CUL9: variants seen among roughly 807,000 people sequenced by gnomAD.
CUL9 encodes cullin-9.
CUL9 carries 79 observed loss-of-function variants against 272.6 expected under a neutral mutation model. The ratio of observed to expected loss-of-function variants is 0.29; its 90% CI spans 0.24 to 0.35. The LOEUF is 0.35. Ranked by LOEUF, CUL9 falls within the 10% of genes least tolerant of loss-of-function variation. The pLI is 1.00. For synonymous variants in CUL9, 1,186 were observed against 1,286.5 expected, an observed-to-expected ratio of 0.92 and a Z score of 1.67; for missense variants, 2,532 against 3,255.6, an observed-to-expected ratio of 0.78 and a Z score of 5.41.
chr6:43,213,971 G>A lies in CUL9; in HGVS notation c.5688+59G>A. The stretch of plus-strand genomic sequence containing the variant: ...GGAGGGAGTCATGCTTGGGATTGGG[G>A]ATGAACACAGTGAACTCTTTCAATA... On this transcript the variant is annotated intron_variant, in intron 29 of 40. Transcript: ENST00000252050. The surrounding 1 kb of genome is among the most constrained non-coding windows in gnomAD (Gnocchi z 5.7). 5.2e-6 allele frequency: 8 copies of A among 1,544,612 alleles called. No individual in the cohort carries two copies. Among genetic ancestry groups the A allele is most frequent in the Non-Finnish European group, 7.2e-6 (8 of 1,118,554 alleles).
chr6:43,182,416 T>G (rs1386380341), intron 1 of CUL9, among the ~76,000 whole-genome samples, 167 bp downstream of exon 1: 1 of 100,898 alleles, frequency 9.9e-6, no homozygotes, highest in Non-Finnish European at 2.0e-5. Flanking sequence ...TCCTTCCCCC[T>G]CCCCCCAAAC....
At position 43,224,146 on chromosome 6, in the gene CUL9, G is replaced by C. The variant is rs1187261413; in HGVS notation, c.7336G>C (p.Gly2446Arg). The change falls in exon 40 of 41, where the codon GGA (glycine) becomes CGA (arginine). Residue 2446 changes from glycine to arginine, a missense_variant. By Grantham distance (125) the Gly-to-Arg change is moderately radical. Transcript: ENST00000252050. This position sits in a 1 kb window ranked among gnomAD's most constrained non-coding sequence, Gnocchi z 4.2. ...SPSVEAWEAK[G>R]PNMPGSQPQA... Reference sequence around the variant, plus strand: ...ATCAGTAGAGGCCTGGGAGGCAAAAGGACCCAACATGCCTGGCAGTCAGTA... The same window carrying C: ...ATCAGTAGAGGCCTGGGAGGCAAAACGACCCAACATGCCTGGCAGTCAGTA... The C allele has an allele frequency of 6.2e-7, 1 of 1,614,240 alleles. No individual in the cohort carries two copies. The highest frequency in any genetic ancestry group is 2.2e-5 in the East Asian group (1 of 44,884).
chr6:43,197,009 C>A, intron 11 of CUL9, 147 bp downstream of exon 11: 1 of 665,082 alleles, frequency 1.5e-6, no homozygotes, highest in Non-Finnish European at 2.5e-6. Context: ...AACTTCCCGA[C>A]CAAGAAGAGG....
intron 1 of CUL9, among the ~76,000 whole-genome samples, chr6:43,182,472 G>C (rs1772480766): frequency 7.0e-6 from 1 of 142,284 alleles, no homozygotes; most frequent in Admixed American, 7.7e-5. Flanking sequence ...CCACGGCTCT[G>C]CAAGCTTGGG....
At position 43,220,821 on chromosome 6, in the gene CUL9, C is replaced by T. The variant is rs554241306; in HGVS notation, c.6498C>T (p.Cys2166=). Residue 2166 remains cysteine (C), a synonymous_variant, in exon 33 of 41, where the codon TGC becomes TGT. Transcript: ENST00000252050. This position sits in a 1 kb window ranked among gnomAD's most constrained non-coding sequence, Gnocchi z 4.9. The part of the protein sequence containing the change: ...NLTWCTNPQG[C]DRILCRQGLG... ...CCTGGTGCACCAACCCCCAGGGCTGCGACCGCATCCTGTGCCGCCAGGGCC... is the reference window on the plus strand; with the variant it reads ...CCTGGTGCACCAACCCCCAGGGCTGTGACCGCATCCTGTGCCGCCAGGGCC... The T allele has an allele frequency of 6.1e-5, 98 of 1,613,590 alleles. No individual in the cohort carries two copies. Among genetic ancestry groups the T allele is most frequent in the Non-Finnish European group, 7.5e-5 (88 of 1,179,998 alleles).
At position 43,218,334 on chromosome 6, in the gene CUL9, A is replaced by G. The variant is rs755420175; in HGVS notation, c.6282+1831A>G. Among the ~76,000 whole-genome samples the G allele has an allele frequency of 5.3e-5, 8 of 151,964 alleles. No individual in the cohort carries two copies. The highest frequency in any genetic ancestry group is 8.8e-5 in the Non-Finnish European group (6 of 67,986). ...CGGGTTCAAGCGATTCTTCTGCCTCAGCCTCCCGAGTAGCTGGGACTATAG... is the reference window on the plus strand; with the variant it reads ...CGGGTTCAAGCGATTCTTCTGCCTCGGCCTCCCGAGTAGCTGGGACTATAG... On this transcript the variant is annotated intron_variant, in intron 31 of 40. Transcript: ENST00000252050. The surrounding 1 kb of genome is among the most constrained non-coding windows in gnomAD (Gnocchi z 4.4).
rs1160532784 is a variant in CUL9, at chr6:43,200,939, C to A, written c.3647+105C>A. On this transcript the variant is annotated intron_variant, in intron 16 of 40. Transcript: ENST00000252050. This position sits in a 1 kb window ranked among gnomAD's most constrained non-coding sequence, Gnocchi z 4.0. ...ATAACCCCAATGCCTGAGGGACACA[C>A]TCAAACCTATTTTGTGCAGTGAACA... 1.4e-6 allele frequency: 2 copies of A among 1,426,476 alleles called. No homozygotes were observed. The highest frequency in any genetic ancestry group is 1.9e-6 in the Non-Finnish European group (2 of 1,027,934). 88.4% of individuals were successfully genotyped at this position (1,426,476 alleles called of 1,614,324 possible).
Position 43,188,679 on chromosome 6 carries a change from G to A in CUL9, c.2144G>A (p.Arg715Gln), listed in dbSNP as rs533796632. Reference sequence around the variant, plus strand: ...CAGGCTGTGGAGGAGGTCACTGAGCGGGACCACCCTCTGGTCCGTCCTGAC... The same window carrying A: ...CAGGCTGTGGAGGAGGTCACTGAGCAGGACCACCCTCTGGTCCGTCCTGAC... ...LSQAVEEVTE[R>Q]DHPLVRPDRS... The change falls in exon 8 of 41, where the codon CGG becomes CAG. Residue 715 changes from arginine to glutamine, a missense_variant. Around this residue, in one of 3 missense-constraint regions of CUL9, gnomAD observed 2,218 missense variants for 2,788.6 expected, o/e 0.80. Transcript: ENST00000252050. The A allele has an allele frequency of 3.8e-5, 61 of 1,613,888 alleles. No homozygotes were observed. The East Asian group carries it at 1.2e-3, about 31-fold the overall frequency.
chr6:43,183,906 C>T (rs1772679595), intron 1 of CUL9, among the ~76,000 whole-genome samples: 1 of 152,260 alleles, frequency 6.6e-6, no homozygotes. Flanking sequence ...GCATGTGCCA[C>T]CACACCTGGC....
At position 43,203,249 on chromosome 6, in the gene CUL9, C is replaced by A; in HGVS notation, c.3849+45C>A. Reference sequence around the variant, plus strand: ...CAGGGCTGAGGAGGAGGAGGTGGCACACAAGTTTCTCCTTGATCTGCTTGG... The same window carrying A: ...CAGGGCTGAGGAGGAGGAGGTGGCAAACAAGTTTCTCCTTGATCTGCTTGG... On this transcript the variant is annotated intron_variant, in intron 18 of 40. Transcript: ENST00000252050. This position sits in a 1 kb window ranked among gnomAD's most constrained non-coding sequence, Gnocchi z 5.0. The A allele has an allele frequency of 6.2e-7, 1 of 1,609,258 alleles. No homozygotes were observed. Among genetic ancestry groups the A allele is most frequent in the Non-Finnish European group, 8.5e-7 (1 of 1,175,742 alleles).
rs746069182 is a variant in CUL9, at chr6:43,223,423, G to C, written c.7284+26G>C. Reference sequence around the variant, plus strand: ...GTACTGCCCGGCCCAGACCCCTTCTGCTCCTGCATTCTGCGGGAGTTGAGG... The same window carrying C: ...GTACTGCCCGGCCCAGACCCCTTCTCCTCCTGCATTCTGCGGGAGTTGAGG... On this transcript the variant is annotated intron_variant, in intron 39 of 40. Transcript: ENST00000252050. The surrounding 1 kb of genome is among the most constrained non-coding windows in gnomAD (Gnocchi z 4.1). 4.5e-6 allele frequency: 7 copies of C among 1,568,684 alleles called. No individual in the cohort carries two copies. Among genetic ancestry groups the C allele is most frequent in the Non-Finnish European group, 6.1e-6 (7 of 1,153,092 alleles).
At chr6:43,190,123 A>G (rs1773318315) in intron 8 of CUL9, among the ~76,000 whole-genome samples, 1 of 151,726 alleles carries the variant, frequency 6.6e-6, no homozygotes, top group Non-Finnish European at 1.5e-5. Context: ...CAGTGTGGTT[A>G]TCTCCAGTTT....
At position 43,213,491 on chromosome 6, in the gene CUL9, G is replaced by A; in HGVS notation, c.5412G>A (p.Leu1804=). Residue 1804 remains leucine, a synonymous_variant, in exon 28 of 41, where the codon CTG becomes CTA. Transcript: ENST00000252050. This position sits in a 1 kb window ranked among gnomAD's most constrained non-coding sequence, Gnocchi z 5.7. ...ATTCTGACCTCTCCCCAGAGCTGCT[G>A]CTCCAGGCACTCGTGCCCCTCACCT... is the stretch of plus-strand genomic sequence containing the variant. ...LKDSDLSPEL[L]LQALVPLTSG... 2 of 1,614,072 alleles carry A rather than the reference G, an allele frequency of 1.2e-6. No individual in the cohort carries two copies. Among genetic ancestry groups the A allele is most frequent in the South Asian group, 1.1e-5 (1 of 91,076 alleles).
rs746627058 is a variant in CUL9 at position 43,198,595 on chromosome 6, G to A, written c.2804-14G>A. Reference sequence around the variant, plus strand: ...CTTCATCCACATTTTTCCCTCTGGTGTGTCTGGCTGCAGCACTAGAGACCC... The same window carrying A: ...CTTCATCCACATTTTTCCCTCTGGTATGTCTGGCTGCAGCACTAGAGACCC... On this transcript the variant is annotated splice_polypyrimidine_tract_variant and intron_variant, in intron 11 of 40. Coordinates refer to ENST00000252050, the MANE Select transcript of CUL9 (RefSeq NM_015089.4). The A allele has an allele frequency of 6.2e-7, 1 of 1,613,274 alleles. No homozygotes were observed. The highest frequency in any genetic ancestry group is 8.5e-7 in the Non-Finnish European group (1 of 1,179,370).
chr6:43,190,115 G>A (rs942711206), intron 8 of CUL9, among the ~76,000 whole-genome samples: 3 of 152,070 alleles, frequency 2.0e-5, no homozygotes, highest in African/African-American at 7.2e-5. Flanking sequence ...GGACCCTGCA[G>A]TGTGGTTATC....
intron 9 of CUL9, among the ~76,000 whole-genome samples, chr6:43,193,693 C>G (rs1423462718): frequency 6.6e-6 from 1 of 152,062 alleles, no homozygotes; most frequent in Non-Finnish European, 1.5e-5. Context: ...CATGAGCCAC[C>G]GTGCCCAGCC....
At chr6:43,202,495 T>C (rs1774684560) in intron 16 of CUL9, among the ~76,000 whole-genome samples, 1 of 152,202 alleles carries the variant, frequency 6.6e-6, no homozygotes, top group Admixed American at 6.5e-5. Context: ...AAAGAAGTGG[T>C]GGCTTGAAAT....
intron 31 of CUL9, among the ~76,000 whole-genome samples, chr6:43,219,915 G>A (rs1449677752): frequency 1.3e-5 from 2 of 152,146 alleles, no homozygotes; most frequent in African/African-American, 4.8e-5. Context: ...TGGTGACGAG[G>A]GGGACAGTGG....
At position 43,203,340 on chromosome 6, in the gene CUL9, A is replaced by C; in HGVS notation, c.3850-77A>C. The C allele has an allele frequency of 6.2e-7, 1 of 1,602,020 alleles. No homozygotes were observed. The highest frequency in any genetic ancestry group is 8.5e-7 in the Non-Finnish European group (1 of 1,171,560). On this transcript the variant is annotated intron_variant, in intron 18 of 40. Transcript: ENST00000252050. This position sits in a 1 kb window ranked among gnomAD's most constrained non-coding sequence, Gnocchi z 5.0. ...TGTCCTGAGCAGTTCTAGGGAGCTC[A>C]GGGCAGGAGGCTTGGCTTTGGTAGT...
Sources: allele counts gnomAD v4.1 joint callset (sites outside exome capture counted in the v4.1 genomes callset), GRCh38; gene constraint gnomAD v4.1.1; regional missense constraint gnomAD v4.1.1; non-coding constraint Gnocchi (gnomAD v3.1); transcripts MANE v1.5; gene names NCBI Gene and HGNC (gene_info 2026-07-23, HGNC 2026-07-21).